Variants in GRXCR1 observed in about 807,000 individuals in gnomAD.
GRXCR1 encodes glutaredoxin domain-containing cysteine-rich protein 1.
In GRXCR1, 27 loss-of-function variants were observed where a neutral mutation model predicts 27.3. The observed-to-expected ratio is 0.99, with a 90% CI of 0.73 to 1.37. The LOEUF (loss-of-function observed/expected upper bound fraction) is 1.37. Ranked by LOEUF, GRXCR1 falls within the 40% of genes most tolerant of loss-of-function variation. GRXCR1 has a pLI of 0.00. For synonymous variants in GRXCR1, 122 were observed against 131.1 expected (o/e 0.93, Z 0.47); for missense variants, 379 against 354.4 (o/e 1.07, Z -0.56).
intron 1 of GRXCR1, among the ~76,000 whole-genome samples, chr4:42,894,139 A>G (rs967966036): frequency 6.6e-6 from 1 of 152,120 alleles, no homozygotes; most frequent in Non-Finnish European, 1.5e-5. Flanking sequence ...ACTTCCTCCC[A>G]TTCCTGAGGA....
At chr4:43,012,618 C>T (rs1022305765) in intron 2 of GRXCR1, among the ~76,000 whole-genome samples, 18 of 152,124 alleles carry the variant, frequency 1.2e-4, no homozygotes, top group Non-Finnish European at 2.2e-4. Flanking sequence ...ATGCAACGTT[C>T]TAAATTCTTA....
At chr4:42,920,207 A>G (rs2109750354) in intron 1 of GRXCR1, among the ~76,000 whole-genome samples, 1 of 152,280 alleles carries the variant, frequency 6.6e-6, no homozygotes, top group South Asian at 2.1e-4. Context: ...AGCAATTGGC[A>G]AGGTGAAGGA....
At chr4:42,910,425 T>C (rs970497767) in intron 1 of GRXCR1, among the ~76,000 whole-genome samples, 2 of 152,202 alleles carry the variant, frequency 1.3e-5, no homozygotes, top group Non-Finnish European at 2.9e-5. Context: ...GATGCATTTA[T>C]GGACTTTCTC....
intron 2 of GRXCR1, among the ~76,000 whole-genome samples, chr4:42,973,446 T>G (rs1336866350): frequency 2.0e-5 from 3 of 152,058 alleles, no homozygotes; most frequent in African/African-American, 7.2e-5. Context: ...TTGTAAAGTC[T>G]TTTCATTTTG....
chr4:42,919,645 T>C (rs940732594), intron 1 of GRXCR1, among the ~76,000 whole-genome samples: 1 of 152,096 alleles, frequency 6.6e-6, no homozygotes, highest in African/African-American at 2.4e-5. Flanking sequence ...CCAGGCCATG[T>C]TTTCTTCATT....
intron 2 of GRXCR1, among the ~76,000 whole-genome samples, chr4:42,981,173 T>C (rs1410792228): frequency 6.6e-6 from 1 of 151,424 alleles, no homozygotes; most frequent in Non-Finnish European, 1.5e-5. Flanking sequence ...TTTTGCTTTT[T>C]ACTTTCTTTT....
intron 1 of GRXCR1, among the ~76,000 whole-genome samples, chr4:42,896,345 T>C (rs1272083359): frequency 6.6e-6 from 1 of 152,120 alleles, no homozygotes; most frequent in Non-Finnish European, 1.5e-5. Context: ...ATTTTATTGG[T>C]CAATTAGTTT....
chr4:42,969,739 A>G (rs1481420552), intron 2 of GRXCR1, among the ~76,000 whole-genome samples: 1 of 152,094 alleles, frequency 6.6e-6, no homozygotes, highest in East Asian at 1.9e-4. Context: ...GGGTGGGGAT[A>G]CAGGGCCAAA....
chr4:42,930,838 T>A lies in GRXCR1; in HGVS notation c.385-32054T>A, dbSNP rs1167502381. On this transcript the variant is annotated intron_variant, in intron 1 of 3. Transcript: ENST00000399770. ...CACTCAGTAATGTTAATTCCTTCCT[T>A]CCCATTCTTCTATTTCTTTTCTTTT... 3.3e-5 allele frequency among the ~76,000 whole-genome samples: 5 copies of A among 152,098 alleles called. No individual in the cohort carries two copies. The East Asian group carries it at 7.8e-4, about 24-fold the overall frequency.
At chr4:42,989,137 T>G (rs1471188279) in intron 2 of GRXCR1, among the ~76,000 whole-genome samples, 5 of 152,220 alleles carry the variant, frequency 3.3e-5, no homozygotes, top group Non-Finnish European at 7.3e-5. Context: ...CGCTTATATA[T>G]TACTCAACTA....
intron 2 of GRXCR1, among the ~76,000 whole-genome samples, chr4:42,971,351 C>A (rs1024506428): frequency 6.6e-6 from 1 of 152,136 alleles, no homozygotes; most frequent in African/African-American, 2.4e-5. Context: ...TGCTCCACTA[C>A]CAGTACCAAT....
At chr4:43,005,890 G>A (rs758828839) in intron 2 of GRXCR1, among the ~76,000 whole-genome samples, 3 of 152,218 alleles carry the variant, frequency 2.0e-5, no homozygotes, top group Non-Finnish European at 4.4e-5. Flanking sequence ...CAGTTATACA[G>A]TGTTGAATTA....
chr4:42,975,433 A>C (rs1748491945), intron 2 of GRXCR1, among the ~76,000 whole-genome samples: 1 of 152,088 alleles, frequency 6.6e-6, no homozygotes, highest in African/African-American at 2.4e-5. Context: ...GGAGTCAAAG[A>C]CCTGAGACTT....
At chr4:43,010,592 A>T (rs1307054027) in intron 2 of GRXCR1, among the ~76,000 whole-genome samples, 1 of 151,912 alleles carries the variant, frequency 6.6e-6, no homozygotes. Context: ...TGAAGAATGG[A>T]TGGGGGTGGG....
At chr4:42,954,311 T>C (rs956572049) in intron 1 of GRXCR1, among the ~76,000 whole-genome samples, 6 of 152,110 alleles carry the variant, frequency 3.9e-5, no homozygotes, top group African/African-American at 1.2e-4. Context: ...GGATGAGTAA[T>C]GGAATTTCTA....
At position 42,995,460 on chromosome 4, in the gene GRXCR1, A is replaced by C. The variant is rs564946326; in HGVS notation, c.628-24894A>C. On this transcript the variant is annotated intron_variant, in intron 2 of 3. Coordinates refer to ENST00000399770, the MANE Select transcript of GRXCR1 (RefSeq NM_001080476.3). ...AAACATTTTTGTTTAAAAGGAAAAGAAGCAGCAAATATTTTCCCTGTCTTC... is the reference window on the plus strand; with the variant it reads ...AAACATTTTTGTTTAAAAGGAAAAGCAGCAGCAAATATTTTCCCTGTCTTC... Among the ~76,000 whole-genome samples, 6 of 152,302 alleles carry C rather than the reference A, an allele frequency of 3.9e-5. No individual in the cohort carries two copies. The South Asian group carries it at 1.2e-3, about 32-fold the overall frequency.
At chr4:43,023,722 G>T (rs2118029) in intron 3 of GRXCR1, among the ~76,000 whole-genome samples, 35,459 of 152,006 alleles carry the variant, frequency 0.23, 4,441 homozygotes, top group Admixed American at 0.29. Context: ...CAGGGATTGG[G>T]ATATCCCAGG....
chr4:42,918,661 C>T (rs13131968), intron 1 of GRXCR1, among the ~76,000 whole-genome samples: 1 of 152,096 alleles, frequency 6.6e-6, no homozygotes, highest in Non-Finnish European at 1.5e-5. Context: ...TTTTGACCAT[C>T]TCTCTTTTGA....
chr4:42,985,775 A>G (rs1341840239), intron 2 of GRXCR1, among the ~76,000 whole-genome samples: 2 of 152,186 alleles, frequency 1.3e-5, no homozygotes, highest in African/African-American at 2.4e-5. Context: ...AAGAATTGGG[A>G]GAGCCAATTT....
Sources: allele counts gnomAD v4.1 joint callset (sites outside exome capture counted in the v4.1 genomes callset), GRCh38; gene constraint gnomAD v4.1.1; transcripts MANE v1.5; gene names NCBI Gene and HGNC (gene_info 2026-07-23, HGNC 2026-07-21).